Variants in ARHGEF3 observed in about 807,000 individuals in gnomAD.
ARHGEF3 encodes 59.8 kDA protein.
A neutral mutation model predicts 63.2 loss-of-function variants in ARHGEF3; 28 were observed. That is an observed-to-expected ratio of 0.44 (90% CI 0.33 to 0.61). The LOEUF (loss-of-function observed/expected upper bound fraction) is 0.61, where lower values mean the gene tolerates loss of function less well. Ranked by LOEUF, ARHGEF3 falls within the 20% of genes least tolerant of loss-of-function variation. The probability of loss-of-function intolerance (pLI) is 0.03; values close to 1 mark genes in which losing one functional copy is unlikely to be tolerated. For missense variants in ARHGEF3, 533 were observed against 659.3 expected, an observed-to-expected ratio of 0.81 and a Z score of 2.10; for synonymous variants, 266 against 254.2, an observed-to-expected ratio of 1.05 and a Z score of -0.44.
At position 56,880,225 on chromosome 3, in the gene ARHGEF3, C is replaced by T. The variant is rs147819511; in HGVS notation, c.192+2067G>A. 1.8e-4 allele frequency among the ~76,000 whole-genome samples: 27 copies of T among 152,256 alleles called. 1 individual carries two copies. In the East Asian group the frequency reaches 2.9e-3, roughly 16 times the overall value. ...AAGCTGAGTCCCTAAGCATAGGGAT[C>T]GGCCATGTTGGTGGTAATGGGGTAG... On this transcript the variant is annotated intron_variant, in intron 4 of 12. Coordinates refer to the ARHGEF3 transcript ENST00000338458.
At chr3:56,830,895 T>G (rs2038909829) in intron 4 of ARHGEF3, among the ~76,000 whole-genome samples, 1 of 152,028 alleles carries the variant, frequency 6.6e-6, no homozygotes, top group Non-Finnish European at 1.5e-5. Context: ...CTATAGGAGA[T>G]TCTCAACTTC....
chr3:56,965,648 T>C (rs1458615461), intron 2 of ARHGEF3, among the ~76,000 whole-genome samples: 1 of 120,880 alleles, frequency 8.3e-6, no homozygotes, highest in East Asian at 2.0e-4. Flanking sequence ...CTACATTCTT[T>C]TTTTTTTTTT....
At chr3:56,793,330 C>T (rs1009768086) in intron 1 of ARHGEF3, among the ~76,000 whole-genome samples, 9 of 152,204 alleles carry the variant, frequency 5.9e-5, no homozygotes, top group African/African-American at 1.2e-4. Context: ...CCACCGCGCC[C>T]GGCTAATTTT....
chr3:56,961,460 C>T (rs761144982), intron 2 of ARHGEF3, among the ~76,000 whole-genome samples: 1 of 151,946 alleles, frequency 6.6e-6, no homozygotes, highest in Non-Finnish European at 1.5e-5. Flanking sequence ...AAGAGAAGTC[C>T]CCCCAAACAG....
chr3:56,902,834 C>T (rs529739404), intron 3 of ARHGEF3, among the ~76,000 whole-genome samples: 1 of 152,234 alleles, frequency 6.6e-6, no homozygotes, highest in South Asian at 2.1e-4. Flanking sequence ...AGCTTAATGC[C>T]TCAGACTGGG....
chr3:56,736,026 G>A (rs567370150), intron 8 of ARHGEF3, among the ~76,000 whole-genome samples: 1 of 149,602 alleles, frequency 6.7e-6, no homozygotes, highest in East Asian at 2.0e-4. Context: ...CTCTCCCAAT[G>A]GCTATCTCAA....
intron 2 of ARHGEF3, among the ~76,000 whole-genome samples, chr3:57,025,430 C>T (rs1329395240): frequency 6.6e-6 from 1 of 152,176 alleles, no homozygotes; most frequent in Non-Finnish European, 1.5e-5. Context: ...AGTGGCTAGA[C>T]TCTAGCCCTA....
chr3:56,794,346 G>A (rs2037233220), intron 1 of ARHGEF3, among the ~76,000 whole-genome samples: 2 of 152,092 alleles, frequency 1.3e-5, no homozygotes, highest in African/African-American at 4.8e-5. Context: ...AAATTAGCAG[G>A]GCGTGGTGGC....
intron 1 of ARHGEF3, among the ~76,000 whole-genome samples, chr3:57,058,831 TG>T (rs927605362): frequency 6.3e-4 from 96 of 152,198 alleles, no homozygotes; most frequent in African/African-American, 2.3e-3. Context: ...GATGAGTTCA[TG>T]TCCTTTGTAG....
At chr3:56,941,246 C>T (rs1260713940) in intron 3 of ARHGEF3, among the ~76,000 whole-genome samples, 9 of 152,212 alleles carry the variant, frequency 5.9e-5, no homozygotes, top group Admixed American at 4.6e-4. Context: ...CTCGCTCTGT[C>T]GCATAGGCTG....
rs1177309347 is a variant in ARHGEF3 at position 57,029,012 on chromosome 3, CA to C, written c.62+6075del. ...ACACACACACACACACACACACACA[CA>C]CACCTCCCAAAATAGGACCTGAGGT... is the stretch of plus-strand genomic sequence containing the variant. On this transcript the variant is annotated intron_variant, in intron 2 of 12. Transcript: ENST00000338458. Among the ~76,000 whole-genome samples the C allele has an allele frequency of 4.6e-5, 7 of 151,692 alleles. No homozygotes were observed. In the East Asian group the frequency reaches 5.8e-4, roughly 13 times the overall value.
At chr3:56,943,017 A>G (rs1315654521) in intron 3 of ARHGEF3, among the ~76,000 whole-genome samples, 3 of 152,240 alleles carry the variant, frequency 2.0e-5, no homozygotes, top group Non-Finnish European at 4.4e-5. Context: ...CTGTCTTCAT[A>G]ACATAAAAGT....
intron 2 of ARHGEF3, among the ~76,000 whole-genome samples, chr3:56,771,900 T>C (rs1282751151): frequency 1.3e-5 from 2 of 152,078 alleles, no homozygotes; most frequent in Non-Finnish European, 2.9e-5. Flanking sequence ...TCTGAAGAAT[T>C]TTCAAAAAGC....
intron 3 of ARHGEF3, among the ~76,000 whole-genome samples, chr3:56,892,296 G>C (rs1034036620): frequency 3.3e-5 from 5 of 152,118 alleles, no homozygotes; most frequent in Admixed American, 6.5e-5. Context: ...GTGGGAGAAG[G>C]AGTCCATATT....
At chr3:56,993,190 T>A (rs1235365603) in intron 2 of ARHGEF3, among the ~76,000 whole-genome samples, 1 of 152,162 alleles carries the variant, frequency 6.6e-6, no homozygotes, top group Non-Finnish European at 1.5e-5. Context: ...GAAAACATCA[T>A]TCTACACTCA....
intron 8 of ARHGEF3, among the ~76,000 whole-genome samples, chr3:56,733,282 A>G (rs1457006550): frequency 3.1e-5 from 2 of 64,014 alleles, no homozygotes; most frequent in Admixed American, 1.5e-4. Context: ...GACTCCATCT[A>G]AAAAAAAAAA....
chr3:57,019,292 C>T (rs1223161196), intron 2 of ARHGEF3, among the ~76,000 whole-genome samples: 3 of 152,198 alleles, frequency 2.0e-5, no homozygotes, highest in African/African-American at 4.8e-5. Flanking sequence ...CATGGATGGA[C>T]GCTTCCCACC....
rs1240962295 is a variant in ARHGEF3 at position 56,990,433 on chromosome 3, A to T, written c.63-31544T>A. Reference sequence around the variant, plus strand: ...ACTCTGTCTCCACTAAAAATACAAAAATTACTTGGGCGTGGTGACGTGCAC... The same window carrying T: ...ACTCTGTCTCCACTAAAAATACAAATATTACTTGGGCGTGGTGACGTGCAC... On this transcript the variant is annotated intron_variant, in intron 2 of 12. Transcript: ENST00000338458. Among the ~76,000 whole-genome samples, 4 of 152,208 alleles carry T rather than the reference A, an allele frequency of 2.6e-5. No individual in the cohort carries two copies. The East Asian group carries it at 7.7e-4, about 29-fold the overall frequency.
chr3:56,995,206 T>C (rs919643789), intron 2 of ARHGEF3, among the ~76,000 whole-genome samples: 1 of 152,156 alleles, frequency 6.6e-6, no homozygotes, highest in Non-Finnish European at 1.5e-5. Context: ...TGTAAAGCAA[T>C]TTATGCTCAA....
Sources: allele counts gnomAD v4.1 joint callset (sites outside exome capture counted in the v4.1 genomes callset), GRCh38; gene constraint gnomAD v4.1.1; transcripts MANE v1.5; gene names NCBI Gene and HGNC (gene_info 2026-07-23, HGNC 2026-07-21).